HTR4: variants seen among roughly 807,000 people sequenced by gnomAD.
HTR4 encodes the protein 5-hydroxytryptamine (serotonin) receptor 4, G protein-coupled.
In HTR4, 16 loss-of-function variants were observed where a neutral mutation model predicts 36.8. The observed-to-expected ratio is 0.43, with a 90% CI of 0.29 to 0.66. The LOEUF (loss-of-function observed/expected upper bound fraction) is 0.66. Among genes scored for constraint, HTR4 ranks in the 30% least tolerant of loss-of-function variants. HTR4 has a pLI of 0.13. For synonymous variants in HTR4, 189 were observed against 185.1 expected (o/e 1.02, Z -0.17); for missense variants, 438 against 490.9 (o/e 0.89, Z 1.02).
chr5:148,635,401 G>C (rs1295857127), intron 2 of HTR4, among the ~76,000 whole-genome samples: 1 of 152,044 alleles, frequency 6.6e-6, no homozygotes, highest in Non-Finnish European at 1.5e-5. Context: ...TATGTTGATG[G>C]GATCTGGTTA....
intron 6 of HTR4, among the ~76,000 whole-genome samples, chr5:148,507,643 T>A (rs892902210): frequency 1.3e-5 from 2 of 151,894 alleles, no homozygotes; most frequent in African/African-American, 4.8e-5. Flanking sequence ...CTCTAAATTG[T>A]CTCTTTGCTT....
chr5:148,476,886 C>A, downstream of HTR4: 1 of 1,332,696 alleles, frequency 7.5e-7, no homozygotes, highest in South Asian at 1.5e-5. Context: ...CTGGAAAAGA[C>A]TTCAGGTAGG....
intron 2 of HTR4, among the ~76,000 whole-genome samples, chr5:148,565,473 T>C (rs1760393923): frequency 1.3e-5 from 2 of 152,100 alleles, no homozygotes; most frequent in Non-Finnish European, 2.9e-5. Flanking sequence ...ATAAAGGTGC[T>C]GAAACTCATA....
chr5:148,637,956 ATC>A (rs1011305099), intron 1 of HTR4, among the ~76,000 whole-genome samples: 4 of 152,286 alleles, frequency 2.6e-5, no homozygotes, highest in Admixed American at 2.0e-4. Flanking sequence ...GAAAAAAATA[ATC>A]TCTGAGTTCA....
At chr5:148,532,062 G>T (rs1299994322) in intron 4 of HTR4, among the ~76,000 whole-genome samples, 1 of 152,136 alleles carries the variant, frequency 6.6e-6, no homozygotes, top group Non-Finnish European at 1.5e-5. Flanking sequence ...TAGATGAGAG[G>T]ATTTTCACCA....
chr5:148,643,119 C>T (rs1382822170), intron 1 of HTR4, among the ~76,000 whole-genome samples: 2 of 152,100 alleles, frequency 1.3e-5, no homozygotes, highest in Non-Finnish European at 2.9e-5. Flanking sequence ...ACGCCAATTC[C>T]ATTATAATTG....
chr5:148,487,359 C>A (rs1338355893), intron 6 of HTR4, among the ~76,000 whole-genome samples: 4 of 151,730 alleles, frequency 2.6e-5, no homozygotes, highest in Non-Finnish European at 5.9e-5. Context: ...CTTACAATTA[C>A]TTGTTCTGTG....
chr5:148,540,002 A>C (rs189596575), intron 4 of HTR4, among the ~76,000 whole-genome samples: 17 of 152,276 alleles, frequency 1.1e-4, no homozygotes, highest in African/African-American at 4.1e-4. Flanking sequence ...TAGATAACAA[A>C]AATGTGGTAC....
chr5:148,461,366 A>G (rs190433735), intron 5 of HTR4, among the ~76,000 whole-genome samples: 10 of 152,158 alleles, frequency 6.6e-5, no homozygotes, highest in Middle Eastern at 3.4e-3. Flanking sequence ...TATGTTGTCT[A>G]CAAGAAACCC....
intron 1 of HTR4, among the ~76,000 whole-genome samples, chr5:148,638,708 T>C (rs959059076): frequency 1.1e-4 from 16 of 152,166 alleles, no homozygotes; most frequent in African/African-American, 3.9e-4. Flanking sequence ...CCAGAAAAAC[T>C]TCTTCTCATA....
chr5:148,644,675 T>C (rs1477961647), intron 1 of HTR4: 2 of 152,094 alleles, frequency 1.3e-5, no homozygotes, highest in Non-Finnish European at 2.9e-5. Context: ...TGCCTCAGAA[T>C]TCTTCCAGAC....
intron 6 of HTR4, among the ~76,000 whole-genome samples, chr5:148,488,947 T>C (rs1452824098): frequency 6.6e-6 from 1 of 152,224 alleles, no homozygotes; most frequent in Non-Finnish European, 1.5e-5. Context: ...TTTCCCAATA[T>C]GTGCATAGAA....
chr5:148,474,622 C>A (rs369163292), downstream of HTR4, among the ~76,000 whole-genome samples: 3 of 152,184 alleles, frequency 2.0e-5, no homozygotes, highest in African/African-American at 7.2e-5. Flanking sequence ...ACTAGACTAC[C>A]CTCACGTATT....
At chr5:148,652,552 G>T (rs1220039388) in intron 1 of HTR4, among the ~76,000 whole-genome samples, 4 of 152,156 alleles carry the variant, frequency 2.6e-5, no homozygotes, top group African/African-American at 9.7e-5. Context: ...GGATGCTTTT[G>T]CCCCTACAGG....
At chr5:148,617,543 A>G (rs1752749924) in intron 2 of HTR4, among the ~76,000 whole-genome samples, 1 of 151,398 alleles carries the variant, frequency 6.6e-6, no homozygotes, top group South Asian at 2.1e-4. Context: ...ATCCTGGCTC[A>G]CTGCAACCCC....
At chr5:148,478,336 G>C (rs1242017486), downstream of HTR4, among the ~76,000 whole-genome samples, 3 of 152,168 alleles carry the variant, frequency 2.0e-5, no homozygotes, top group Non-Finnish European at 2.9e-5. Flanking sequence ...CCAAGGGTAG[G>C]TTAGTTTGGA....
At chr5:148,572,202 A>G (rs900129137) in intron 2 of HTR4, among the ~76,000 whole-genome samples, 11 of 152,092 alleles carry the variant, frequency 7.2e-5, no homozygotes, top group Non-Finnish European at 1.6e-4. Context: ...ATAATAATGG[A>G]ATAAAGAACA....
chr5:148,538,850 T>A (rs562437054), intron 4 of HTR4, among the ~76,000 whole-genome samples: 1 of 152,088 alleles, frequency 6.6e-6, no homozygotes, highest in South Asian at 2.1e-4. Flanking sequence ...CCAAAAACAT[T>A]CTTTGCAGAA....
chr5:148,518,167 G>GCTATC (rs1757849931), intron 5 of HTR4, among the ~76,000 whole-genome samples: 1 of 151,910 alleles, frequency 6.6e-6, no homozygotes, highest in Admixed American at 6.6e-5. Flanking sequence ...ATTACAATCT[G>GCTATC]CTATCCGGTT....
Sources: allele counts gnomAD v4.1 joint callset (sites outside exome capture counted in the v4.1 genomes callset), GRCh38; gene constraint gnomAD v4.1.1; transcripts MANE v1.5; gene names NCBI Gene and HGNC (gene_info 2026-07-23, HGNC 2026-07-21).